The following MGAT4C variants were observed in gnomAD, a reference collection of about 807,000 sequenced individuals.
MGAT4C encodes the protein MGAT4 family member C, also known as alpha-1,3-mannosyl-glycoprotein 4-beta-N-acetylglucosaminyltransferase C.
MGAT4C carries 19 observed loss-of-function variants against 40.1 expected under a neutral mutation model. The ratio of observed to expected loss-of-function variants is 0.47; its 90% CI spans 0.33 to 0.70. The LOEUF is 0.70. MGAT4C is among the 30% of genes least tolerant of loss of function. The pLI, the probability that MGAT4C is intolerant of heterozygous loss-of-function variation, is 0.02. For synonymous variants in MGAT4C, 181 were observed against 187.1 expected (o/e 0.97, Z 0.27); for missense variants, 491 against 563.2 (o/e 0.87, Z 1.30).
chr12:86,522,687 T>C (rs1396474408), intron 2 of MGAT4C, among the ~76,000 whole-genome samples: 1 of 151,164 alleles, frequency 6.6e-6, no homozygotes, highest in Non-Finnish European at 1.5e-5. Flanking sequence ...AGCTCCTCTT[T>C]GTACATCTGG....
intron 4 of MGAT4C, among the ~76,000 whole-genome samples, chr12:86,308,660 G>A (rs1338266656): frequency 6.6e-6 from 1 of 150,606 alleles, no homozygotes. Context: ...CACAAAAACT[G>A]AGAAGGAAAG....
intron 3 of MGAT4C, among the ~76,000 whole-genome samples, chr12:86,410,256 A>C (rs543732648): frequency 1.2e-4 from 19 of 152,232 alleles, no homozygotes; most frequent in Admixed American, 6.5e-5. Context: ...CTACCCTAAT[A>C]AGCCTGAGGG....
At chr12:86,689,736 G>A (rs1950141420) in intron 2 of MGAT4C, among the ~76,000 whole-genome samples, 1 of 152,110 alleles carries the variant, frequency 6.6e-6, no homozygotes, top group Non-Finnish European at 1.5e-5. Context: ...CTCTCCTGTA[G>A]GAGGTGTCTG....
At chr12:85,988,242 C>CA (rs1885470039) in intron 3 of MGAT4C, among the ~76,000 whole-genome samples, 1 of 152,020 alleles carries the variant, frequency 6.6e-6, no homozygotes, top group African/African-American at 2.4e-5. Flanking sequence ...TAGGCAGAGT[C>CA]AAAATCTAGG....
chr12:86,179,392 T>A (rs1411828319), intron 1 of MGAT4C, among the ~76,000 whole-genome samples: 1 of 152,134 alleles, frequency 6.6e-6, no homozygotes, highest in Non-Finnish European at 1.5e-5. Flanking sequence ...TAGTGGGATG[T>A]TGCTGAAAAG....
chr12:86,345,024 A>G (rs1001610162), intron 3 of MGAT4C, among the ~76,000 whole-genome samples: 1 of 126,124 alleles, frequency 7.9e-6, no homozygotes, highest in Non-Finnish European at 1.7e-5. Flanking sequence ...CTATTTATGC[A>G]TGATGTTTTA....
At chr12:86,816,806 C>T (rs1055750764) in intron 1 of MGAT4C, among the ~76,000 whole-genome samples, 12 of 151,446 alleles carry the variant, frequency 7.9e-5, no homozygotes, top group African/African-American at 2.7e-4. Context: ...AACATTTTGT[C>T]TTGATCGAAC....
chr12:86,609,330 C>T (rs1593040283), intron 2 of MGAT4C, among the ~76,000 whole-genome samples: 1 of 152,046 alleles, frequency 6.6e-6, no homozygotes. Flanking sequence ...ATGAAGTTGA[C>T]TTTCAAAGCA....
chr12:86,602,255 G>A (rs985821806), intron 2 of MGAT4C, among the ~76,000 whole-genome samples: 16 of 152,112 alleles, frequency 1.1e-4, no homozygotes, highest in African/African-American at 3.1e-4. Flanking sequence ...CAGCAGGCAC[G>A]GACAAAACTC....
At chr12:86,557,775 T>A (rs949874143) in intron 2 of MGAT4C, among the ~76,000 whole-genome samples, 2 of 152,158 alleles carry the variant, frequency 1.3e-5, no homozygotes, top group African/African-American at 4.8e-5. Flanking sequence ...ACAGTGACTA[T>A]TTCACCATTG....
intron 2 of MGAT4C, among the ~76,000 whole-genome samples, chr12:86,715,335 GA>G (rs1565944317): frequency 6.6e-6 from 1 of 152,096 alleles, no homozygotes; most frequent in East Asian, 1.9e-4. Flanking sequence ...AATTAAAGTA[GA>G]AGCTATTCTT....
chr12:86,598,871 G>C (rs1455993253), intron 2 of MGAT4C, among the ~76,000 whole-genome samples: 1 of 152,072 alleles, frequency 6.6e-6, no homozygotes, highest in East Asian at 1.9e-4. Flanking sequence ...TATTCACATA[G>C]TAAAATAAAT....
chr12:86,745,815 T>C (rs1434035887), intron 1 of MGAT4C, among the ~76,000 whole-genome samples: 2 of 151,844 alleles, frequency 1.3e-5, no homozygotes, highest in Non-Finnish European at 3.0e-5. Flanking sequence ...ATGGAATGAC[T>C]GAATACCCCC....
intron 4 of MGAT4C, among the ~76,000 whole-genome samples, chr12:86,277,988 T>C (rs1214101858): frequency 1.3e-5 from 2 of 152,154 alleles, no homozygotes. Context: ...CTTTGAGTAG[T>C]ATGGACATTT....
intron 3 of MGAT4C, among the ~76,000 whole-genome samples, chr12:86,409,183 A>G (rs1283861966): frequency 1.3e-5 from 2 of 152,216 alleles, no homozygotes; most frequent in Non-Finnish European, 2.9e-5. Context: ...AAATACTAAT[A>G]CAAAGTAACT....
In MGAT4C at chr12:86,228,743, C is replaced by T. The variant is rs545533904; in HGVS notation, c.-57+27496G>A. Among the ~76,000 whole-genome samples the T allele has an allele frequency of 5.9e-5, 9 of 151,914 alleles. No homozygotes were observed. The East Asian group carries it at 1.7e-3, about 29-fold the overall frequency. On this transcript the variant is annotated intron_variant, in intron 1 of 4. Coordinates refer to ENST00000611864, the MANE Select transcript of MGAT4C (RefSeq NM_001351288.2). ...TCTAATTTAAAACTAAAAGAAAAAA[C>T]ATTTAGTCAGCAAGGAACAGTTAGA...
rs1406198142 is a variant in MGAT4C at position 86,577,273 on chromosome 12, C to G, written c.-228-142008G>C. 3.3e-5 allele frequency among the ~76,000 whole-genome samples: 5 copies of G among 151,752 alleles called. 1 individual carries two copies. In the East Asian group the frequency reaches 9.7e-4, roughly 29 times the overall value. ...CAAATAAGAATAATTTAACTTATGC[C>G]TTTCCAATTTGGATGTTCTTTAAAT... On this transcript the variant is annotated intron_variant, in intron 2 of 7. Coordinates refer to the MGAT4C transcript ENST00000548651.
intron 2 of MGAT4C, among the ~76,000 whole-genome samples, chr12:86,468,733 A>G (rs1026657360): frequency 6.6e-6 from 1 of 152,092 alleles, no homozygotes; most frequent in African/African-American, 2.4e-5. Context: ...CAGACATAGC[A>G]AGCATATTCC....
At chr12:86,789,946 T>G (rs1951995692) in intron 1 of MGAT4C, among the ~76,000 whole-genome samples, 1 of 152,110 alleles carries the variant, frequency 6.6e-6, no homozygotes, top group African/African-American at 2.4e-5. Context: ...AGAATTTGGG[T>G]TCCATCAGAA....
Sources: gnomAD v4.1 joint callset for allele counts (sites outside exome capture counted in the v4.1 genomes callset) on GRCh38, gnomAD v4.1.1 for gene constraint, MANE v1.5 for transcripts, NCBI Gene and HGNC (gene_info 2026-07-23, HGNC 2026-07-21) for gene names.